The following TLK1 variants were observed in gnomAD, a reference collection of about 807,000 sequenced individuals.
TLK1 encodes the protein tousled like kinase 1.
In TLK1, 24 loss-of-function variants were observed where a neutral mutation model predicts 105.3. That is an observed-to-expected ratio of 0.23 (90% CI 0.17 to 0.32). The LOEUF is 0.32. TLK1 is among the 10% of genes least tolerant of loss of function. TLK1 has a pLI of 1.00. For synonymous variants in TLK1, 321 were observed against 310.4 expected, an observed-to-expected ratio of 1.03 and a Z score of -0.36; for missense variants, 558 against 910.5, an observed-to-expected ratio of 0.61 and a Z score of 4.98.
chr2:171,159,289 C>CAGACT (rs750096763), intron 1 of TLK1, among the ~76,000 whole-genome samples: 9 of 152,176 alleles, frequency 5.9e-5, no homozygotes, highest in Non-Finnish European at 1.2e-4. Flanking sequence ...AAGCTTTTTC[C>CAGACT]AGACTAAAGA....
intron 12 of TLK1, among the ~76,000 whole-genome samples, chr2:171,024,292 G>C (rs902892262): frequency 7.2e-5 from 11 of 151,862 alleles, no homozygotes; most frequent in African/African-American, 2.7e-4. Context: ...AAAGGTCTTT[G>C]TTGACCTTTA....
At position 171,080,570 on chromosome 2, in the gene TLK1, A is replaced by C. The variant is rs976703774; in HGVS notation, c.330+2211T>G. On this transcript the variant is annotated intron_variant, in intron 3 of 20. Coordinates refer to ENST00000431350, the MANE Select transcript of TLK1 (RefSeq NM_012290.5). ...AATAATAATAATAATAATAATAATA[A>C]TAATGGTAATAGTAATTATTTCTTT... 2.0e-5 allele frequency among the ~76,000 whole-genome samples: 3 copies of C among 149,752 alleles called. No homozygotes were observed. The South Asian group carries it at 6.3e-4, about 31-fold the overall frequency.
chr2:171,005,957 T>C (rs1185182313), intron 18 of TLK1, among the ~76,000 whole-genome samples, 190 bp downstream of exon 18: 1 of 152,104 alleles, frequency 6.6e-6, no homozygotes, highest in Non-Finnish European at 1.5e-5. Flanking sequence ...TATGCTGTTA[T>C]TTGCAGTTAA....
At chr2:171,083,288 T>C (rs996023509) in intron 2 of TLK1, among the ~76,000 whole-genome samples, 3 of 152,208 alleles carry the variant, frequency 2.0e-5, no homozygotes, top group African/African-American at 7.2e-5. Flanking sequence ...TGCCTTTCTC[T>C]GTATTAACAA....
intron 1 of TLK1, among the ~76,000 whole-genome samples, chr2:171,144,127 G>C (rs1269825418): frequency 1.3e-5 from 2 of 150,994 alleles, no homozygotes; most frequent in African/African-American, 4.9e-5. Context: ...TTATTAGGAA[G>C]ATATAAGAAT....
chr2:171,124,626 C>A (rs1302199244), intron 1 of TLK1, among the ~76,000 whole-genome samples: 1 of 152,226 alleles, frequency 6.6e-6, no homozygotes, highest in Non-Finnish European at 1.5e-5. Flanking sequence ...TGCAAAGTAT[C>A]TGCCAATGAA....
Position 171,011,424 on chromosome 2 carries a change from T to C in TLK1, c.1365A>G (p.Arg455=), listed in dbSNP as rs1302446673. Residue 455 remains arginine, a synonymous_variant, in exon 14 of 21, where the codon AGA becomes AGG. Coordinates refer to ENST00000431350, the MANE Select transcript of TLK1 (RefSeq NM_012290.5). ...QFKDHPTLNE[R]YLLLHLLGRG... is the part of the protein sequence containing the mutation. ...TACCAAGCAGATGAAGTAATAAATA[T>C]CTTTCATTTAATGTTGGGTGATCTT... 1.2e-6 allele frequency: 2 copies of C among 1,613,536 alleles called. No individual in the cohort carries two copies. The highest frequency in any genetic ancestry group is 1.3e-5 in the African/African-American group (1 of 75,016).
At chr2:171,122,089 G>A (rs903217698) in intron 1 of TLK1, among the ~76,000 whole-genome samples, 2 of 152,138 alleles carry the variant, frequency 1.3e-5, no homozygotes, top group South Asian at 4.1e-4. Flanking sequence ...TGGGACTACA[G>A]GTGCTCACCA....
intron 1 of TLK1, among the ~76,000 whole-genome samples, chr2:171,124,689 A>T (rs1690797512): frequency 6.6e-6 from 1 of 152,260 alleles, no homozygotes; most frequent in African/African-American, 2.4e-5. Flanking sequence ...AGCTTTGTAA[A>T]TTACTCCAAC....
chr2:171,021,926 C>T (rs1432810221), intron 12 of TLK1, among the ~76,000 whole-genome samples: 2 of 151,900 alleles, frequency 1.3e-5, no homozygotes, highest in Admixed American at 6.6e-5. Flanking sequence ...GGTGAAACCC[C>T]GTTTCTACTA....
chr2:171,137,451 C>G (rs1286080092), intron 1 of TLK1, among the ~76,000 whole-genome samples: 3 of 152,074 alleles, frequency 2.0e-5, no homozygotes, highest in Admixed American at 2.0e-4. Context: ...TTTTCTGTGG[C>G]TTTTTATTTT....
intron 1 of TLK1, among the ~76,000 whole-genome samples, chr2:171,126,795 T>C (rs917839247): frequency 3.9e-5 from 6 of 151,912 alleles, no homozygotes; most frequent in Non-Finnish European, 5.9e-5. Flanking sequence ...AGCTGATTTA[T>C]AGAGAACAGT....
intron 3 of TLK1, among the ~76,000 whole-genome samples, chr2:171,071,810 T>A (rs6742854): frequency 0.49 from 74,693 of 152,030 alleles, 21,275 homozygotes; most frequent in South Asian, 0.67. Flanking sequence ...AATATCCAGT[T>A]TTCCCTGCAC....
intron 3 of TLK1, among the ~76,000 whole-genome samples, chr2:171,073,657 T>G (rs1199166053): frequency 6.6e-6 from 1 of 152,120 alleles, no homozygotes. Flanking sequence ...TGAACCCGGT[T>G]AATACAATAT....
At chr2:171,009,291 CTTTTTTTTTTT>C (rs71008743) in intron 14 of TLK1, among the ~76,000 whole-genome samples, 53 of 74,848 alleles carry the variant, frequency 7.1e-4, no homozygotes, top group East Asian at 3.5e-3. Context: ...ATTTCTTTTC[CTTTTTTTTTTT>C]TTTTTTTTTT....
chr2:171,196,037 CAA>C (rs71013021), intron 1 of TLK1, among the ~76,000 whole-genome samples: 4 of 111,966 alleles, frequency 3.6e-5, no homozygotes, highest in Non-Finnish European at 5.2e-5. Context: ...GACTCTGTAT[CAA>C]AAAAAAAAAA....
Position 171,056,419 on chromosome 2 carries a change from T to C in TLK1, c.549+52A>G, listed in dbSNP as rs1468779947. 3 of 1,443,944 alleles carry C rather than the reference T, an allele frequency of 2.1e-6. No homozygotes were observed. The Admixed American group carries it at 5.3e-5, about 25-fold the overall frequency. The allele number at this position is 1,443,944 out of a possible 1,614,324, so 89.4% of individuals were successfully genotyped here. A position where few individuals can be genotyped will look rare whatever the true frequency, so the allele number is the denominator to read the frequency against. ...ACAACAAATTATAAAACTTATTCAG[T>C]GTACATAACCCTCCCAAAGACTACA... On this transcript the variant is annotated intron_variant, in intron 6 of 20. Coordinates refer to ENST00000431350, the MANE Select transcript of TLK1 (RefSeq NM_012290.5).
At chr2:171,052,263 C>G (rs996696842) in intron 8 of TLK1, among the ~76,000 whole-genome samples, 1 of 151,268 alleles carries the variant, frequency 6.6e-6, no homozygotes, top group Admixed American at 6.6e-5. Context: ...TGTCACTTAG[C>G]GGGGGAAAAA....
At chr2:171,031,321 C>G (rs932939382) in intron 11 of TLK1, among the ~76,000 whole-genome samples, 1 of 152,142 alleles carries the variant, frequency 6.6e-6, no homozygotes, top group African/African-American at 2.4e-5. Flanking sequence ...ATAAAAGCAA[C>G]TGGGAACAAT....
Sources: gnomAD v4.1 joint callset for allele counts (sites outside exome capture counted in the v4.1 genomes callset) on GRCh38, gnomAD v4.1.1 for gene constraint, MANE v1.5 for transcripts, NCBI Gene and HGNC (gene_info 2026-07-23, HGNC 2026-07-21) for gene names.